The following ZNF81 variants were observed in gnomAD, a reference collection of about 807,000 sequenced individuals.
ZNF81 encodes zinc finger protein 81 (HFZ20).
ZNF81 carries 5 observed loss-of-function variants against 32.3 expected under a neutral mutation model. The ratio of observed to expected loss-of-function variants is 0.15; its 90% confidence interval spans 0.08 to 0.33. ZNF81 has a LOEUF of 0.33. Ranked by LOEUF, ZNF81 falls within the 10% of genes least tolerant of loss-of-function variation. The pLI is 1.00. For missense variants in ZNF81, 379 were observed against 479.8 expected (o/e 0.79, Z 1.96); for synonymous variants, 163 against 166.8 (o/e 0.98, Z 0.17).
intron 4 of ZNF81, among the ~76,000 whole-genome samples, chrX:47,909,230 T>C (rs1347962753): frequency 8.9e-6 from 1 of 112,455 alleles, no homozygotes; most frequent in African/African-American, 3.2e-5. Flanking sequence ...ACCACATTTA[T>C]GCCAACACTC....
chrX:47,916,599 A>T lies in ZNF81; in HGVS notation c.1953A>T (p.Ser651=). The T allele has an allele frequency of 8.3e-7, 1 of 1,203,938 alleles. No individual in the cohort carries two copies. Among genetic ancestry groups the T allele is most frequent in the Non-Finnish European group, 1.1e-6 (1 of 892,516 alleles). The part of the protein sequence containing the change: ...SDCGKGFTQK[S]VLSMHRNIHT Reference sequence around the variant, plus strand: ...GTGGAAAGGGGTTCACCCAGAAATCAGTTCTCAGTATGCATCGCAATATTC... The same window carrying T: ...GTGGAAAGGGGTTCACCCAGAAATCTGTTCTCAGTATGCATCGCAATATTC... The change falls in exon 5 of 5, where the codon TCA becomes TCT. Residue 651 remains serine (S), a synonymous_variant. Coordinates refer to ENST00000338637, the MANE Select transcript of ZNF81 (RefSeq NM_007137.5).
intron 2 of ZNF81, among the ~76,000 whole-genome samples, chrX:47,851,436 G>A (rs987311736): frequency 1.8e-5 from 2 of 111,994 alleles, no homozygotes; most frequent in Non-Finnish European, 3.8e-5. Context: ...TTTTTGGTCA[G>A]TCTGATAGGT....
intron 3 of ZNF81, among the ~76,000 whole-genome samples, chrX:47,893,133 G>T (rs2058668094): frequency 9.0e-6 from 1 of 111,511 alleles, no homozygotes; most frequent in Non-Finnish European, 1.9e-5. Context: ...GCCCCTGATG[G>T]GAGGAGGGGT....
In ZNF81 at chrX:47,919,795, A is replaced by T. The variant is rs1324926074; in HGVS notation, c.*3163A>T. 9.0e-6 allele frequency: 1 copy of T among 111,492 alleles called. No homozygotes were observed. Among genetic ancestry groups the T allele is most frequent in the Non-Finnish European group, 1.9e-5 (1 of 53,167 alleles). 9.2% of individuals were successfully genotyped at this position (111,492 alleles called of 1,213,427 possible). On this transcript the variant is annotated 3_prime_UTR_variant, in exon 5 of 5. Transcript: ENST00000338637. Reference sequence around the variant, plus strand: ...ACCTCCTAATACCATCACATTGAGGATTAGGATTTTAACATATGAATTTTG... The same window carrying T: ...ACCTCCTAATACCATCACATTGAGGTTTAGGATTTTAACATATGAATTTTG...
chrX:47,907,843 GA>G (rs199884259), intron 4 of ZNF81, among the ~76,000 whole-genome samples: 10,762 of 110,937 alleles, frequency 0.097, 1,272 homozygotes, highest in African/African-American at 0.34. Flanking sequence ...AATGTCACAA[GA>G]AAAAAAGGTC....
At chrX:47,902,869 C>A (rs1404509482) in intron 4 of ZNF81, among the ~76,000 whole-genome samples, 1 of 111,382 alleles carries the variant, frequency 9.0e-6, no homozygotes, top group Non-Finnish European at 1.9e-5. Context: ...GCCTGGCCAA[C>A]GTGGTGAACC....
intron 2 of ZNF81, among the ~76,000 whole-genome samples, chrX:47,873,932 T>C (rs1414532914): frequency 4.5e-5 from 5 of 111,702 alleles, no homozygotes; most frequent in African/African-American, 1.6e-4. Context: ...CCTCCCAAAG[T>C]GCTGGGATTA....
chrX:47,842,961 A>G (rs1360460029), intron 1 of ZNF81, among the ~76,000 whole-genome samples: 2 of 111,862 alleles, frequency 1.8e-5, no homozygotes, highest in Non-Finnish European at 3.8e-5. Context: ...GTTAATTTGC[A>G]TTTTACTAGG....
intron 4 of ZNF81, among the ~76,000 whole-genome samples, chrX:47,911,076 A>T (rs2058737813): frequency 9.0e-6 from 1 of 111,076 alleles, no homozygotes; most frequent in African/African-American, 3.3e-5. Flanking sequence ...TACCTAAGAC[A>T]TTGCATTTAT....
Position 47,846,332 on chromosome X carries a change from G to A in ZNF81, c.54+11G>A. On this transcript the variant is annotated intron_variant, in intron 2 of 4. Transcript: ENST00000338637. ...GGCAGTGCCTGTGAGGTGAGGAGGA[G>A]GAAGAGGTGCCCAGGGATTGGAATT... is the stretch of plus-strand genomic sequence containing the variant. 8.3e-7 allele frequency: 1 copy of A among 1,206,603 alleles called. No homozygotes were observed. Among genetic ancestry groups the A allele is most frequent in the Non-Finnish European group, 1.1e-6 (1 of 893,136 alleles).
intron 2 of ZNF81, among the ~76,000 whole-genome samples, chrX:47,863,606 G>C (rs2058549493): frequency 8.9e-6 from 1 of 112,022 alleles, no homozygotes; most frequent in African/African-American, 3.2e-5. Context: ...GAACCTTAGA[G>C]AGGCAAGTAG....
chrX:47,860,826 G>A (rs782511606), intron 2 of ZNF81: 73 of 111,196 alleles, frequency 6.6e-4, no homozygotes, highest in Non-Finnish European at 9.6e-4. Context: ...GAAGCTCTGC[G>A]CCCCTTCCCA....
At chrX:47,848,644 G>A (rs1389971641) in intron 2 of ZNF81, among the ~76,000 whole-genome samples, 2 of 109,988 alleles carry the variant, frequency 1.8e-5, no homozygotes, top group Non-Finnish European at 3.8e-5. Flanking sequence ...TACAGGTTGA[G>A]TATCCCTAAT....
Position 47,919,184 on chromosome X carries a change from A to G in ZNF81, c.*2552A>G, listed in dbSNP as rs781872966. ...GTAATGTGAATACTTTGTGACCAGA[A>G]GACACACTGTGTTAGGTAGAAAAAT... On this transcript the variant is annotated 3_prime_UTR_variant, in exon 5 of 5. Transcript: ENST00000338637. The G allele has an allele frequency of 2.4e-5, 8 of 328,767 alleles. No homozygotes were observed. The highest frequency in any genetic ancestry group is 4.7e-5 in the Non-Finnish European group (8 of 169,572). 27.1% of individuals were successfully genotyped at this position (328,767 alleles called of 1,213,427 possible).
chrX:47,881,768 A>ATTTAT (rs201754711), intron 2 of ZNF81, among the ~76,000 whole-genome samples: 16 of 110,489 alleles, frequency 1.4e-4, no homozygotes, highest in African/African-American at 5.0e-4. Context: ...ATTTCAATAT[A>ATTTAT]TTTATTTTAT....
At position 47,923,820 on chromosome X, in the gene ZNF81, G is replaced by A. The variant is rs1603214440; in HGVS notation, c.*7188G>A. ...GGAAGGAGCAACTATTGCTGTGAAA[G>A]TCTTTGAAATTAGAGACAGTGAAGG... On this transcript the variant is annotated 3_prime_UTR_variant, in exon 5 of 5. Coordinates refer to ENST00000338637, the MANE Select transcript of ZNF81 (RefSeq NM_007137.5). Among the ~76,000 whole-genome samples the A allele has an allele frequency of 8.9e-6, 1 of 112,104 alleles. No homozygotes were observed. The highest frequency in any genetic ancestry group is 3.7e-4 in the South Asian group (1 of 2,684).
chrX:47,923,524 A>C lies in ZNF81; in HGVS notation c.*6892A>C, dbSNP rs782449618. On this transcript the variant is annotated 3_prime_UTR_variant, in exon 5 of 5. Coordinates refer to ENST00000338637, the MANE Select transcript of ZNF81 (RefSeq NM_007137.5). The stretch of plus-strand genomic sequence containing the variant: ...GGAGGACTTGTCCAAATTAGACATC[A>C]ATTCATATGAGGATGGAAAATTGGT... Among the ~76,000 whole-genome samples the C allele has an allele frequency of 2.1e-4, 24 of 112,114 alleles. 1 individual carries two copies. The highest frequency in any genetic ancestry group is 3.8e-4 in the Non-Finnish European group (20 of 53,193).
Position 47,843,725 on chromosome X carries a change from A to G in ZNF81, c.-163-2380A>G, listed in dbSNP as rs138681484. 3.4e-3 allele frequency among the ~76,000 whole-genome samples: 382 copies of G among 111,626 alleles called. No individual in the cohort carries two copies. The Middle Eastern group carries it at 0.037, about 11-fold the overall frequency. On this transcript the variant is annotated intron_variant, in intron 1 of 4. Transcript: ENST00000338637. ...TTTTTTGTAGAGATAAGGTTTCACC[A>G]TGTTGCCCAGGTTGGGCTCAAACTC...
At chrX:47,883,914 T>C (rs782158125) in intron 2 of ZNF81, among the ~76,000 whole-genome samples, 22 of 109,092 alleles carry the variant, frequency 2.0e-4, no homozygotes, top group African/African-American at 7.3e-4. Flanking sequence ...ATAAATAGAA[T>C]ATGGCAAAAG....
Sources: allele counts gnomAD v4.1 joint callset (sites outside exome capture counted in the v4.1 genomes callset), GRCh38; gene constraint gnomAD v4.1.1; transcripts MANE v1.5; gene names NCBI Gene and HGNC (gene_info 2026-07-23, HGNC 2026-07-21).